RPIA: variants seen among roughly 807,000 people sequenced by gnomAD.
RPIA encodes the protein ribose-5-phosphate isomerase.
Under a neutral mutation model 37.8 loss-of-function variants are expected in RPIA, and 29 were observed. The ratio of observed to expected loss-of-function variants is 0.77; its 90% CI spans 0.57 to 1.05. RPIA has a LOEUF of 1.05. Ranked by LOEUF, RPIA falls within the 50% of genes least tolerant of loss-of-function variation. The pLI is 0.00. For missense variants in RPIA, 385 were observed against 413.6 expected, an observed-to-expected ratio of 0.93 and a Z score of 0.60; for synonymous variants, 167 against 157.0, an observed-to-expected ratio of 1.06 and a Z score of -0.48.
chr2:88,726,274 A>T (rs1673196361), intron 3 of RPIA, among the ~76,000 whole-genome samples: 1 of 152,162 alleles, frequency 6.6e-6, no homozygotes, highest in Non-Finnish European at 1.5e-5. Context: ...TGATCATTTA[A>T]GGCAAGCTTG....
intron 8 of RPIA, among the ~76,000 whole-genome samples, chr2:88,747,131 CTGTG>C (rs1673447186): frequency 6.6e-6 from 1 of 152,138 alleles, no homozygotes; most frequent in African/African-American, 2.4e-5. Context: ...GCTGTGGCCA[CTGTG>C]TGGGGTTGGG....
chr2:88,705,964 A>G (rs1672892588), intron 3 of RPIA, among the ~76,000 whole-genome samples: 2 of 152,234 alleles, frequency 1.3e-5, no homozygotes, highest in Admixed American at 1.3e-4. Flanking sequence ...AAAGCTCAAC[A>G]TCACTAATCA....
intron 3 of RPIA, among the ~76,000 whole-genome samples, chr2:88,711,003 A>G (rs1672954166): frequency 6.6e-6 from 1 of 152,188 alleles, no homozygotes; most frequent in Admixed American, 6.5e-5. Flanking sequence ...AGTTCCCTGG[A>G]GGAGCTATTA....
At chr2:88,705,737 C>T (rs2104084468) in intron 3 of RPIA, among the ~76,000 whole-genome samples, 1 of 152,272 alleles carries the variant, frequency 6.6e-6, no homozygotes, top group Middle Eastern at 3.4e-3. Flanking sequence ...AGCTTCTGCG[C>T]AGCAAAAGAA....
At chr2:88,724,033 G>A (rs74451204) in intron 3 of RPIA, among the ~76,000 whole-genome samples, 9,265 of 152,132 alleles carry the variant, frequency 0.061, 500 homozygotes, top group African/African-American at 0.14. Context: ...TGAGCAGAGG[G>A]GTGACTTTGA....
At chr2:88,723,141 C>CA (rs549330389) in intron 3 of RPIA, among the ~76,000 whole-genome samples, 6 of 151,822 alleles carry the variant, frequency 4.0e-5, no homozygotes, top group Admixed American at 3.3e-4. Flanking sequence ...AGAAAGACTG[C>CA]AAAAAACAAC....
chr2:88,729,171 G>C (rs958110083), intron 3 of RPIA, 107 bp from the exon 4 acceptor site: 21 of 1,192,090 alleles, frequency 1.8e-5, no homozygotes, highest in Non-Finnish European at 2.4e-5. Context: ...TGGGCTTTGG[G>C]AGAGAGCCTG....
Position 88,691,779 on chromosome 2 carries a change from C to T in RPIA, c.81C>T (p.Ser27=), listed in dbSNP as rs771233693. The change falls in exon 1 of 9, where the codon TCC becomes TCT. Residue 27 remains serine (S), a synonymous_variant. Coordinates refer to ENST00000283646, the MANE Select transcript of RPIA (RefSeq NM_144563.3). Reference sequence around the variant, plus strand: ...CCGGGAGGGCCGGGGGCGCGGCCTCCGGCGGAGGAGGGAACAGCTGGGACC... The same window carrying T: ...CCGGGAGGGCCGGGGGCGCGGCCTCTGGCGGAGGAGGGAACAGCTGGGACC... ...PLPGRAGGAA[S]GGGGNSWDLP... 3 of 1,592,380 alleles carry T rather than the reference C, an allele frequency of 1.9e-6. No homozygotes were observed. Among genetic ancestry groups the T allele is most frequent in the South Asian group, 1.1e-5 (1 of 89,694 alleles).
chr2:88,716,926 C>G (rs1673044438), intron 3 of RPIA, among the ~76,000 whole-genome samples: 1 of 152,166 alleles, frequency 6.6e-6, no homozygotes, highest in South Asian at 2.1e-4. Flanking sequence ...CATTTTTATG[C>G]TTAGGTTCAG....
intron 2 of RPIA, among the ~76,000 whole-genome samples, chr2:88,699,581 T>G (rs1197961310): frequency 6.6e-6 from 1 of 152,202 alleles, no homozygotes; most frequent in Non-Finnish European, 1.5e-5. Context: ...TGTGGCTACA[T>G]GGCCTGGGAT....
In RPIA at chr2:88,750,273, TATAAAC is replaced by T; in HGVS notation, c.*199_*204del. On this transcript the variant is annotated 3_prime_UTR_variant, in exon 9 of 9. Coordinates refer to ENST00000283646, the MANE Select transcript of RPIA (RefSeq NM_144563.3). The stretch of plus-strand genomic sequence containing the variant: ...TTAAATGTCTTTTTAAAAAGAGAAA[TATAAAC>T]ATATATTTTTACTATTAAAATATTC... 1 of 474,242 alleles carries T rather than the reference TATAAAC, an allele frequency of 2.1e-6. No homozygotes were observed. The highest frequency in any genetic ancestry group is 3.8e-6 in the Non-Finnish European group (1 of 264,292). 29.4% of individuals were successfully genotyped at this position (474,242 alleles called of 1,614,324 possible). A position where few individuals can be genotyped will look rare whatever the true frequency, so the allele number is the denominator to read the frequency against.
intron 1 of RPIA, among the ~76,000 whole-genome samples, chr2:88,698,106 C>CATTTAA (rs1672780648): frequency 6.8e-6 from 1 of 146,146 alleles, no homozygotes; most frequent in South Asian, 2.2e-4. Flanking sequence ...TTTTTAAACA[C>CATTTAA]ACTGTTGCTG....
intron 3 of RPIA, among the ~76,000 whole-genome samples, chr2:88,719,849 C>G (rs1673098064): frequency 6.6e-6 from 1 of 152,230 alleles, no homozygotes; most frequent in Non-Finnish European, 1.5e-5. Flanking sequence ...CTCAAGATAA[C>G]CTTGTTAATC....
intron 3 of RPIA, among the ~76,000 whole-genome samples, chr2:88,721,572 C>CACA (rs781291708): frequency 0.043 from 681 of 15,978 alleles, 3 homozygotes; most frequent in Non-Finnish European, 0.066. Context: ...CACACACACA[C>CACA]CCCCCCCCCC....
chr2:88,709,234 A>G (rs1229457879), intron 3 of RPIA, among the ~76,000 whole-genome samples: 1 of 152,224 alleles, frequency 6.6e-6, no homozygotes, highest in Non-Finnish European at 1.5e-5. Context: ...CCAAGAGGGA[A>G]TTATTTGCTT....
At chr2:88,712,069 C>A (rs1038484448) in intron 3 of RPIA, among the ~76,000 whole-genome samples, 1 of 152,196 alleles carries the variant, frequency 6.6e-6, no homozygotes, top group African/African-American at 2.4e-5. Context: ...ATATCTGACT[C>A]CCCTTTCCCA....
intron 3 of RPIA, among the ~76,000 whole-genome samples, chr2:88,714,505 T>G (rs747684173): frequency 6.6e-6 from 1 of 152,206 alleles, no homozygotes; most frequent in Non-Finnish European, 1.5e-5. Flanking sequence ...CTGGGCTACC[T>G]GATGGTCAGC....
chr2:88,715,569 CTGA>C (rs1198565169), intron 3 of RPIA, among the ~76,000 whole-genome samples: 8 of 152,304 alleles, frequency 5.3e-5, no homozygotes, highest in African/African-American at 1.9e-4. Flanking sequence ...AAAGTGCAGC[CTGA>C]TTAATGCTTA....
intron 3 of RPIA, among the ~76,000 whole-genome samples, chr2:88,724,578 G>A (rs1246169630): frequency 6.6e-6 from 1 of 152,142 alleles, no homozygotes; most frequent in African/African-American, 2.4e-5. Context: ...CAAAGTGCTG[G>A]GATTACAGGA....
Sources: allele counts gnomAD v4.1 joint callset (sites outside exome capture counted in the v4.1 genomes callset), GRCh38; gene constraint gnomAD v4.1.1; transcripts MANE v1.5; gene names NCBI Gene and HGNC (gene_info 2026-07-23, HGNC 2026-07-21).